The following CMIP variants were observed in gnomAD, a reference collection of about 807,000 sequenced individuals.
CMIP encodes the protein c-Maf inducing protein.
CMIP carries 13 observed loss-of-function variants against 97.3 expected under a neutral mutation model. The observed-to-expected ratio is 0.13, with a 90% CI of 0.09 to 0.21. The LOEUF (loss-of-function observed/expected upper bound fraction) is 0.21. Ranked by LOEUF, CMIP falls within the 10% of genes least tolerant of loss-of-function variation. The pLI is 1.00. For missense variants in CMIP, 847 were observed against 1,024.9 expected, an observed-to-expected ratio of 0.83 and a Z score of 2.37; for synonymous variants, 538 against 436.3, an observed-to-expected ratio of 1.23 and a Z score of -2.91.
At chr16:81,683,056 A>G (rs1432560402) in intron 10 of CMIP, among the ~76,000 whole-genome samples, 1 of 152,164 alleles carries the variant, frequency 6.6e-6, no homozygotes, top group Non-Finnish European at 1.5e-5. Flanking sequence ...CCACCTGTTG[A>G]TTCATTCTTT....
intron 16 of CMIP, 115 bp downstream of exon 16, chr16:81,701,915 T>G (rs986835479): frequency 7.6e-7 from 1 of 1,322,884 alleles, no homozygotes; most frequent in Non-Finnish European, 1.1e-6. Flanking sequence ...CGTTGAATTC[T>G]CCTCCAAACC....
chr16:81,644,478 G>A (rs2092341029), intron 3 of CMIP, among the ~76,000 whole-genome samples: 1 of 152,194 alleles, frequency 6.6e-6, no homozygotes, highest in Non-Finnish European at 1.5e-5. Flanking sequence ...GCGGCCAAAA[G>A]GGCAGTTTGG....
intron 1 of CMIP, among the ~76,000 whole-genome samples, chr16:81,530,681 G>T (rs113650934): frequency 2.0e-5 from 3 of 152,156 alleles, no homozygotes; most frequent in Admixed American, 6.5e-5. Context: ...TGCCCGCGTG[G>T]CTGCTACCTC....
intron 10 of CMIP, among the ~76,000 whole-genome samples, chr16:81,690,299 C>T (rs1325989254): frequency 6.6e-6 from 1 of 152,172 alleles, no homozygotes; most frequent in Non-Finnish European, 1.5e-5. Context: ...ATGGAATGTT[C>T]TTCCATTTCT....
At chr16:81,531,129 G>A (rs1031281450) in intron 1 of CMIP, among the ~76,000 whole-genome samples, 4 of 136,632 alleles carry the variant, frequency 2.9e-5, no homozygotes, top group Admixed American at 1.4e-4. Flanking sequence ...GAGGTCATGC[G>A]GGAGGTCATG....
At chr16:81,608,649 C>G (rs1331450290) in intron 2 of CMIP, among the ~76,000 whole-genome samples, 2 of 152,212 alleles carry the variant, frequency 1.3e-5, no homozygotes, top group East Asian at 3.9e-4. Context: ...CAGGACCACA[C>G]AGAGGCGGTG....
chr16:81,444,937 C>A lies in CMIP; in HGVS notation c.-305C>A, dbSNP rs1221341723. On this transcript the variant is annotated 5_prime_UTR_variant, in exon 1 of 21. Transcript: ENST00000537098. ...GCCCGCCCTCCGCGCCTGGCCCCGG[C>A]CCGCCCTCGGCCTCCCCCGCCCCTC... Among the ~76,000 whole-genome samples, 1 of 136,380 alleles carries A rather than the reference C, an allele frequency of 7.3e-6. No individual in the cohort carries two copies. The highest frequency in any genetic ancestry group is 2.3e-4 in the East Asian group (1 of 4,388). 89.5% of individuals were successfully genotyped at this position (136,380 alleles called of 152,430 possible). A position where few individuals can be genotyped will look rare whatever the true frequency, so the allele number is the denominator to read the frequency against.
chr16:81,561,064 C>T (rs2090873190), intron 1 of CMIP, among the ~76,000 whole-genome samples: 1 of 152,224 alleles, frequency 6.6e-6, no homozygotes, highest in African/African-American at 2.4e-5. Context: ...AAGCAATTCT[C>T]ATGCCTCAGC....
chr16:81,660,997 G>C (rs1344763547), intron 6 of CMIP, 51 bp downstream of exon 6: 1 of 1,608,794 alleles, frequency 6.2e-7, no homozygotes. Context: ...ACCTCCCTCT[G>C]TGCGCATACC....
chr16:81,471,546 C>A (rs1907555406), intron 1 of CMIP, among the ~76,000 whole-genome samples: 1 of 134,810 alleles, frequency 7.4e-6, no homozygotes, highest in African/African-American at 2.6e-5. Flanking sequence ...TGTACACATA[C>A]ACACATGTGC....
intron 3 of CMIP, among the ~76,000 whole-genome samples, chr16:81,640,738 A>ATGTGTGTG (rs751455480): frequency 3.6e-5 from 5 of 139,042 alleles, no homozygotes; most frequent in African/African-American, 5.3e-5. Context: ...TCTCTGGAGC[A>ATGTGTGTG]TGTGTGTGTG....
chr16:81,557,487 G>A (rs1323871592), intron 1 of CMIP, among the ~76,000 whole-genome samples: 2 of 152,206 alleles, frequency 1.3e-5, no homozygotes, highest in Non-Finnish European at 1.5e-5. Flanking sequence ...AGTATAATGT[G>A]ATAATTTAAT....
chr16:81,640,906 C>T lies in CMIP; in HGVS notation c.478-11297C>T, dbSNP rs975515704. 3.9e-5 allele frequency among the ~76,000 whole-genome samples: 6 copies of T among 152,130 alleles called. No homozygotes were observed. The South Asian group carries it at 1.2e-3, about 32-fold the overall frequency. On this transcript the variant is annotated intron_variant, in intron 3 of 20. Transcript: ENST00000537098. ...CCAAAGAAGGTCATAGTCACAGATA[C>T]CGGGCTTAGGACTTGGACATATGTT...
intron 1 of CMIP, among the ~76,000 whole-genome samples, chr16:81,496,727 C>T (rs977993911): frequency 3.3e-5 from 5 of 152,214 alleles, no homozygotes; most frequent in African/African-American, 7.2e-5. Flanking sequence ...CGGGGGTCAG[C>T]CCCCTGCGGA....
chr16:81,455,567 G>A (rs925363696), intron 1 of CMIP, among the ~76,000 whole-genome samples: 17 of 152,142 alleles, frequency 1.1e-4, no homozygotes, highest in African/African-American at 3.1e-4. Flanking sequence ...CTGCTGCAGG[G>A]CTCTGTCCGT....
At position 81,508,386 on chromosome 16, in the gene CMIP, A is replaced by G. The variant is rs116901269; in HGVS notation, c.300+62845A>G. ...AAACGAATGATAGAATCCTGTGCAC[A>G]TTTTCCTGTAATATTTTCTCACTAA... is the stretch of plus-strand genomic sequence containing the variant. On this transcript the variant is annotated intron_variant, in intron 1 of 20. Coordinates refer to ENST00000537098, the MANE Select transcript of CMIP (RefSeq NM_198390.3). Among the ~76,000 whole-genome samples, 203 of 152,130 alleles carry G rather than the reference A, an allele frequency of 1.3e-3. 6 individuals carry two copies. The East Asian group carries it at 0.033, about 25-fold the overall frequency.
intron 1 of CMIP, among the ~76,000 whole-genome samples, chr16:81,528,343 G>A (rs545797961): frequency 1.1e-3 from 165 of 152,088 alleles, no homozygotes; most frequent in African/African-American, 3.8e-3. Flanking sequence ...TGGCTCCCCA[G>A]TCCACCATTG....
At chr16:81,570,353 C>T (rs1484236679) in intron 1 of CMIP, among the ~76,000 whole-genome samples, 1 of 152,086 alleles carries the variant, frequency 6.6e-6, no homozygotes, top group Non-Finnish European at 1.5e-5. Flanking sequence ...GGATGGCTGT[C>T]GTGGGGCCAG....
At chr16:81,596,577 T>A (rs1310070262) in intron 1 of CMIP, among the ~76,000 whole-genome samples, 1 of 151,470 alleles carries the variant, frequency 6.6e-6, no homozygotes, top group Non-Finnish European at 1.5e-5. Context: ...CATTGTATAC[T>A]GCTTGATGAA....
Sources: gnomAD v4.1 joint callset for allele counts (sites outside exome capture counted in the v4.1 genomes callset) on GRCh38, gnomAD v4.1.1 for gene constraint, MANE v1.5 for transcripts, NCBI Gene and HGNC (gene_info 2026-07-23, HGNC 2026-07-21) for gene names.